The following FAT3 variants were observed in gnomAD, a reference collection of about 807,000 sequenced individuals.
FAT3 encodes protocadherin Fat 3.
Under a neutral mutation model 310.2 loss-of-function variants are expected in FAT3, and 95 were observed. That is an observed-to-expected ratio of 0.31 (90% CI 0.26 to 0.36). FAT3 has a LOEUF of 0.36. Among genes scored for constraint, FAT3 ranks in the 10% least tolerant of loss-of-function variants. The pLI, the probability that FAT3 is intolerant of heterozygous loss-of-function variation, is 1.00. For synonymous variants in FAT3, 2,314 were observed against 2,192.9 expected (o/e 1.06, Z -1.54); for missense variants, 5,408 against 5,715.6 (o/e 0.95, Z 1.74).
chr11:92,260,054 G>A (rs1865481337), intron 1 of FAT3, among the ~76,000 whole-genome samples: 1 of 152,158 alleles, frequency 6.6e-6, no homozygotes, highest in South Asian at 2.1e-4. Context: ...AAGCTGAAGA[G>A]CTTTGTACAG....
chr11:92,591,108 C>T (rs1024396120), intron 3 of FAT3, among the ~76,000 whole-genome samples: 2 of 152,128 alleles, frequency 1.3e-5, no homozygotes, highest in African/African-American at 4.8e-5. Flanking sequence ...AAATAAAGGA[C>T]TCTTTGAAAT....
chr11:92,579,797 G>C (rs1938689640), intron 3 of FAT3, among the ~76,000 whole-genome samples: 2 of 152,086 alleles, frequency 1.3e-5, no homozygotes, highest in African/African-American at 4.8e-5. Flanking sequence ...AGAGGTTGTA[G>C]GATTAGCCAC....
intron 3 of FAT3, among the ~76,000 whole-genome samples, chr11:92,576,478 T>G (rs1017825975): frequency 1.3e-5 from 2 of 152,122 alleles, no homozygotes; most frequent in Non-Finnish European, 2.9e-5. Context: ...AAGCAGGATG[T>G]GTATGCTGTT....
intron 22 of FAT3, among the ~76,000 whole-genome samples, chr11:92,871,420 G>A (rs75527377): frequency 3.5e-3 from 532 of 152,168 alleles, no homozygotes; most frequent in African/African-American, 0.012. Context: ...CCACTGAATC[G>A]GAATCTGTAT....
intron 2 of FAT3, among the ~76,000 whole-genome samples, chr11:92,485,091 T>A (rs1952338075): frequency 6.6e-6 from 1 of 152,272 alleles, no homozygotes; most frequent in African/African-American, 2.4e-5. Context: ...CAGGTCATTT[T>A]AAATATTTTG....
chr11:92,358,998 G>T (rs2134664122), intron 2 of FAT3, among the ~76,000 whole-genome samples: 1 of 152,236 alleles, frequency 6.6e-6, no homozygotes, highest in Middle Eastern at 3.4e-3. Context: ...GTTTGCATTG[G>T]TTAGCAGCTC....
intron 2 of FAT3, among the ~76,000 whole-genome samples, chr11:92,434,015 CAA>C (rs5793598): frequency 4.8e-5 from 6 of 125,836 alleles, no homozygotes; most frequent in Admixed American, 8.1e-5. Context: ...GACTCAGTCT[CAA>C]AAAAAAAAAA....
At position 92,889,248 on chromosome 11, in the gene FAT3, G is replaced by T; in HGVS notation, c.13111G>T (p.Val4371Leu). 1.4e-6 allele frequency: 1 copy of T among 703,816 alleles called. No homozygotes were observed. Among genetic ancestry groups the T allele is most frequent in the Non-Finnish European group, 2.6e-6 (1 of 378,334 alleles). 43.6% of individuals were successfully genotyped at this position (703,816 alleles called of 1,614,324 possible). A position where few individuals can be genotyped will look rare whatever the true frequency, so the allele number is the denominator to read the frequency against. ...TGTAGTTGACACTATAGAGAATGAAGGTATTTACTTTTTTTCTTCCATAGC... is the reference window on the plus strand; with the variant it reads ...TGTAGTTGACACTATAGAGAATGAATGTATTTACTTTTTTTCTTCCATAGC... Reference protein sequence around the residue: ...NNVVDTIENEVSVMDQGQNYN... With the variant: ...NNVVDTIENELSVMDQGQNYN... The change falls in exon 26 of 28, where the codon GTG becomes TTG. Residue 4371 changes from valine (V) to leucine (L), a missense_variant and splice_region_variant. Coordinates refer to ENST00000525166, the MANE Select transcript of FAT3 (RefSeq NM_001367949.2).
intron 4 of FAT3, among the ~76,000 whole-genome samples, chr11:92,714,684 AGC>A (rs981146877): frequency 1.2e-4 from 18 of 152,176 alleles, no homozygotes; most frequent in Non-Finnish European, 2.2e-4. Flanking sequence ...TGGAATACCT[AGC>A]AGTTTCCACG....
intron 2 of FAT3, among the ~76,000 whole-genome samples, chr11:92,401,860 G>A (rs1168793439): frequency 6.6e-6 from 1 of 152,166 alleles, no homozygotes; most frequent in African/African-American, 2.4e-5. Context: ...GCTCATCTCA[G>A]ATTAATAGAA....
chr11:92,312,854 T>C (rs1947346719), intron 1 of FAT3, among the ~76,000 whole-genome samples: 1 of 152,154 alleles, frequency 6.6e-6, no homozygotes, highest in South Asian at 2.1e-4. Flanking sequence ...TTTGGTACCT[T>C]CGCTAGTTTA....
At chr11:92,649,572 G>C (rs777757104) in intron 3 of FAT3, among the ~76,000 whole-genome samples, 3 of 152,046 alleles carry the variant, frequency 2.0e-5, no homozygotes, top group Non-Finnish European at 4.4e-5. Context: ...TCATGATTTG[G>C]AAAGATTCTC....
intron 3 of FAT3, among the ~76,000 whole-genome samples, chr11:92,641,713 C>A (rs1457166373): frequency 6.6e-6 from 1 of 152,182 alleles, no homozygotes; most frequent in Non-Finnish European, 1.5e-5. Context: ...TACAAAGATC[C>A]TTTTTCCAAA....
chr11:92,378,357 C>T (rs1466108071), intron 2 of FAT3, among the ~76,000 whole-genome samples: 4 of 152,082 alleles, frequency 2.6e-5, no homozygotes, highest in African/African-American at 7.2e-5. Context: ...ACTTTATCAT[C>T]GAGATAGTTA....
chr11:92,699,474 T>C (rs941709559), intron 4 of FAT3, among the ~76,000 whole-genome samples: 2 of 152,192 alleles, frequency 1.3e-5, no homozygotes, highest in African/African-American at 4.8e-5. Flanking sequence ...TGAAACTATG[T>C]ACATCTATTA....
At chr11:92,534,677 G>A (rs1954192936) in intron 3 of FAT3, among the ~76,000 whole-genome samples, 1 of 152,100 alleles carries the variant, frequency 6.6e-6, no homozygotes, top group Admixed American at 6.5e-5. Context: ...TAAACAGAGA[G>A]AAATTTGGAC....
intron 3 of FAT3, among the ~76,000 whole-genome samples, chr11:92,680,211 G>T (rs1943438026): frequency 6.6e-6 from 1 of 150,974 alleles, no homozygotes. Context: ...GTTTTCTTTA[G>T]GTTTTCTTCT....
At chr11:92,586,807 A>G (rs1939181005) in intron 3 of FAT3, among the ~76,000 whole-genome samples, 1 of 151,964 alleles carries the variant, frequency 6.6e-6, no homozygotes, top group Non-Finnish European at 1.5e-5. Flanking sequence ...TTGAAATATC[A>G]TGCTTTTAAG....
intron 3 of FAT3, among the ~76,000 whole-genome samples, chr11:92,629,523 G>A (rs1467523603): frequency 1.3e-5 from 2 of 148,958 alleles, no homozygotes; most frequent in East Asian, 2.0e-4. Flanking sequence ...CTCCTGCCTC[G>A]CCTCAGCCTT....
Sources: allele counts gnomAD v4.1 joint callset (sites outside exome capture counted in the v4.1 genomes callset), GRCh38; gene constraint gnomAD v4.1.1; transcripts MANE v1.5; gene names NCBI Gene and HGNC (gene_info 2026-07-23, HGNC 2026-07-21).